ADRA1B: variants seen among roughly 807,000 people sequenced by gnomAD.
The protein encoded by ADRA1B is alpha-1B adrenergic receptor.
Under a neutral mutation model 17.9 loss-of-function variants are expected in ADRA1B, and 17 were observed. The ratio of observed to expected loss-of-function variants is 0.95; its 90% CI spans 0.65 to 1.42. The LOEUF (loss-of-function observed/expected upper bound fraction) is 1.42, where lower values mean the gene tolerates loss of function less well. ADRA1B is among the 40% of genes most tolerant of loss of function. ADRA1B has a pLI of 0.00. For missense variants in ADRA1B, 681 were observed against 722.1 expected (o/e 0.94, Z 0.65); for synonymous variants, 366 against 327.6 (o/e 1.12, Z -1.27).
In ADRA1B at chr5:159,947,833, C is replaced by T. The variant is rs184993497; in HGVS notation, c.950-24046C>T. ...AGCTACATTGCATCACCATATTATC[C>T]GTTATTGAGAAAGGAGCCAGCAATT... is the stretch of plus-strand genomic sequence containing the variant. On this transcript the variant is annotated intron_variant, in intron 1 of 1. Transcript: ENST00000306675. The T allele has an allele frequency of 1.4e-5, 14 of 985,362 alleles. No individual in the cohort carries two copies. The Admixed American group carries it at 2.5e-4, about 17-fold the overall frequency. 61.0% of individuals were successfully genotyped at this position (985,362 alleles called of 1,614,324 possible).
intron 1 of ADRA1B, among the ~76,000 whole-genome samples, chr5:159,872,653 T>C (rs1349481073): frequency 2.0e-5 from 3 of 152,074 alleles, no homozygotes; most frequent in Non-Finnish European, 2.9e-5. Flanking sequence ...ACTACCATCA[T>C]AGAAATTTCA....
At chr5:159,875,245 C>T (rs1053088663) in intron 1 of ADRA1B, among the ~76,000 whole-genome samples, 1 of 152,074 alleles carries the variant, frequency 6.6e-6, no homozygotes, top group South Asian at 2.1e-4. Context: ...AGGATAAAAG[C>T]TTGTTGGCTT....
At chr5:159,939,322 TGCGCGC>T (rs542707574) in intron 1 of ADRA1B, among the ~76,000 whole-genome samples, 1 of 107,604 alleles carries the variant, frequency 9.3e-6, no homozygotes, top group Admixed American at 8.9e-5. Context: ...TGTGTGTGTG[TGCGCGC>T]GCGCGCGCAC....
At chr5:159,893,466 C>T (rs992293836) in intron 1 of ADRA1B, among the ~76,000 whole-genome samples, 1 of 152,170 alleles carries the variant, frequency 6.6e-6, no homozygotes, top group Non-Finnish European at 1.5e-5. Flanking sequence ...GTGGCAACCA[C>T]AGCCTGGGAG....
chr5:159,918,820 G>A (rs1205149019), intron 1 of ADRA1B, among the ~76,000 whole-genome samples: 3 of 152,198 alleles, frequency 2.0e-5, no homozygotes, highest in Non-Finnish European at 4.4e-5. Context: ...GGGATCCCTT[G>A]TCCTTCCTCT....
the ADRA1B span, among the ~76,000 whole-genome samples, chr5:159,978,019 C>G: frequency 6.6e-6 from 1 of 152,314 alleles, no homozygotes; most frequent in East Asian, 1.9e-4. Context: ...CTACTGCCAA[C>G]ACTGTCCAGC....
chr5:159,984,565 A>G, the ADRA1B span, among the ~76,000 whole-genome samples: 2 of 151,952 alleles, frequency 1.3e-5, no homozygotes, highest in African/African-American at 4.8e-5. Context: ...AAAACTGTCA[A>G]TTTGCAGCTC....
At chr5:159,920,482 A>G (rs1323256565) in intron 1 of ADRA1B, among the ~76,000 whole-genome samples, 1 of 152,122 alleles carries the variant, frequency 6.6e-6, no homozygotes, top group East Asian at 1.9e-4. Context: ...TGCCACCTTG[A>G]TGCTATCTTG....
chr5:159,897,400 C>A (rs569640755), intron 1 of ADRA1B, among the ~76,000 whole-genome samples: 2 of 152,072 alleles, frequency 1.3e-5, no homozygotes, highest in South Asian at 4.2e-4. Flanking sequence ...GCGGGAGAAT[C>A]GCTTGAACCT....
At chr5:159,888,711 C>T (rs980411894) in intron 1 of ADRA1B, among the ~76,000 whole-genome samples, 8 of 152,174 alleles carry the variant, frequency 5.3e-5, no homozygotes, top group Non-Finnish European at 1.0e-4. Context: ...ATTATCTAAG[C>T]CCAGGAATGC....
chr5:159,894,469 T>C (rs1466551575), intron 1 of ADRA1B, among the ~76,000 whole-genome samples: 2 of 152,092 alleles, frequency 1.3e-5, no homozygotes, highest in African/African-American at 4.8e-5. Flanking sequence ...TCCACACATG[T>C]AAATATTTAC....
chr5:159,983,422 C>T, the ADRA1B span, among the ~76,000 whole-genome samples: 4,661 of 152,296 alleles, frequency 0.031, 125 homozygotes, highest in East Asian at 0.13. Context: ...CCTTAAACCC[C>T]ATGTGTTCTG....
chr5:159,977,094 A>G (rs541016567), downstream of ADRA1B, among the ~76,000 whole-genome samples: 1 of 152,220 alleles, frequency 6.6e-6, no homozygotes, highest in South Asian at 2.1e-4. Context: ...ACTTTTCCTG[A>G]ATCAGCAGTT....
intron 1 of ADRA1B, among the ~76,000 whole-genome samples, chr5:159,971,581 G>A (rs901822030): frequency 1.3e-5 from 2 of 152,184 alleles, no homozygotes; most frequent in Non-Finnish European, 2.9e-5. Context: ...CACTTAGATT[G>A]AAGGTGGCAA....
intron 1 of ADRA1B, among the ~76,000 whole-genome samples, chr5:159,910,509 AG>A (rs1470002401): frequency 6.6e-5 from 10 of 152,224 alleles, no homozygotes; most frequent in Admixed American, 6.5e-4. Flanking sequence ...ATGCAAATTA[AG>A]AGCATTAGAC....
chr5:159,871,087 A>G (rs766379316), intron 1 of ADRA1B: 7 of 152,232 alleles, frequency 4.6e-5, no homozygotes, highest in Admixed American at 6.5e-5. Flanking sequence ...AGCACTCACC[A>G]TTCAGCATGG....
chr5:159,886,210 G>T (rs1204281747), intron 1 of ADRA1B, among the ~76,000 whole-genome samples: 2 of 152,208 alleles, frequency 1.3e-5, no homozygotes, highest in East Asian at 3.9e-4. Context: ...CCTTTCTCAA[G>T]GGACCCATAG....
At chr5:159,986,546 G>C in the ADRA1B span, among the ~76,000 whole-genome samples, 1 of 152,182 alleles carries the variant, frequency 6.6e-6, no homozygotes, top group Non-Finnish European at 1.5e-5. Context: ...AGCTGGAGCT[G>C]TGATTCTCAA....
chr5:159,924,965 T>C (rs1232219332), intron 1 of ADRA1B, among the ~76,000 whole-genome samples: 2 of 152,218 alleles, frequency 1.3e-5, no homozygotes, highest in African/African-American at 4.8e-5. Context: ...TATTCCCTCA[T>C]TTATACCTGT....
Sources: gnomAD v4.1 joint callset for allele counts (sites outside exome capture counted in the v4.1 genomes callset) on GRCh38, gnomAD v4.1.1 for gene constraint, MANE v1.5 for transcripts, NCBI Gene and HGNC (gene_info 2026-07-23, HGNC 2026-07-21) for gene names.